Variants in OCA2 observed in about 807,000 individuals in gnomAD.
OCA2 encodes the protein OCA2 melanosomal transmembrane protein, also known as P protein.
In OCA2, 77 loss-of-function variants were observed where a neutral mutation model predicts 100.2. The observed-to-expected ratio is 0.77, with a 90% CI of 0.64 to 0.93. The LOEUF (loss-of-function observed/expected upper bound fraction) is 0.93, where lower values mean the gene tolerates loss of function less well. OCA2 is among the 40% of genes least tolerant of loss of function. The pLI is 0.00. For missense variants in OCA2, 1,062 were observed against 1,089.1 expected (o/e 0.98, Z 0.35); for synonymous variants, 432 against 439.2 (o/e 0.98, Z 0.21).
intron 19 of OCA2, among the ~76,000 whole-genome samples, chr15:27,903,599 T>A (rs1434733014): frequency 6.6e-6 from 1 of 152,154 alleles, no homozygotes; most frequent in Non-Finnish European, 1.5e-5. Flanking sequence ...AGCTTGGAAC[T>A]CCCCTCGCCC....
At chr15:27,840,054 C>A (rs4778194) in intron 23 of OCA2, among the ~76,000 whole-genome samples, 46,499 of 151,966 alleles carry the variant, frequency 0.31, 7,988 homozygotes, top group East Asian at 0.6. Context: ...ATATATTAAA[C>A]TCCATGGAAT....
chr15:27,852,420 T>C (rs2035788757), intron 21 of OCA2, among the ~76,000 whole-genome samples: 1 of 152,200 alleles, frequency 6.6e-6, no homozygotes, highest in Non-Finnish European at 1.5e-5. Flanking sequence ...TTGATCTATA[T>C]CTCTGTTTTG....
At chr15:27,725,715 C>T in the OCA2 span, among the ~76,000 whole-genome samples, 1 of 152,196 alleles carries the variant, frequency 6.6e-6, no homozygotes, top group Non-Finnish European at 1.5e-5. Context: ...GCTCTCCCTC[C>T]AGGGTGTCTG....
At chr15:27,749,555 C>G in the OCA2 span, among the ~76,000 whole-genome samples, 1 of 152,006 alleles carries the variant, frequency 6.6e-6, no homozygotes, top group Non-Finnish European at 1.5e-5. Context: ...GAAAATGTCC[C>G]TATTAGTAGA....
intron 21 of OCA2, among the ~76,000 whole-genome samples, chr15:27,861,414 T>C (rs1403641909): frequency 6.6e-6 from 1 of 152,128 alleles, no homozygotes; most frequent in Non-Finnish European, 1.5e-5. Flanking sequence ...GAGAGGTTGC[T>C]GTGGATGGCA....
intron 23 of OCA2, among the ~76,000 whole-genome samples, chr15:27,761,420 C>A (rs2030827888): frequency 6.6e-6 from 1 of 150,750 alleles, no homozygotes; most frequent in Admixed American, 6.6e-5. Context: ...TAACTTACAG[C>A]ACACCAGCAT....
intron 23 of OCA2, among the ~76,000 whole-genome samples, chr15:27,809,484 A>AC (rs1342146202): frequency 6.6e-6 from 1 of 152,198 alleles, no homozygotes; most frequent in Admixed American, 6.5e-5. Flanking sequence ...CTCTCTCTCA[A>AC]CACTCCTATT....
chr15:27,931,606 G>A lies in OCA2; in HGVS notation c.1952-5352C>T, dbSNP rs1030802361. ...CAGCCTCAGCCTCCCAAAGTGCTAG[G>A]ATTACAGGCGTGAGCCACCACGCCC... On this transcript the variant is annotated intron_variant, in intron 18 of 23. Coordinates refer to ENST00000354638, the MANE Select transcript of OCA2 (RefSeq NM_000275.3). Among the ~76,000 whole-genome samples, 32 of 152,090 alleles carry A rather than the reference G, an allele frequency of 2.1e-4. 1 individual carries two copies. Among genetic ancestry groups the A allele is most frequent in the Non-Finnish European group, 3.7e-4 (25 of 67,996 alleles).
chr15:27,969,045 T>C (rs1420659663), intron 14 of OCA2, among the ~76,000 whole-genome samples: 3 of 150,892 alleles, frequency 2.0e-5, no homozygotes, highest in African/African-American at 4.9e-5. Flanking sequence ...ATAGTACTAA[T>C]ATATTTATAC....
At chr15:27,724,877 A>G in the OCA2 span, among the ~76,000 whole-genome samples, 1 of 152,040 alleles carries the variant, frequency 6.6e-6, no homozygotes, top group Admixed American at 6.6e-5. Flanking sequence ...TCAATCAGGA[A>G]CTCAGTGTTA....
rs1445091247 is a variant in OCA2 at position 28,081,884 on chromosome 15, C to A, written c.-10G>T. ...TGCCCTCCAGATGCATGCTCCACTGCCAGTCTTCTCTCTAGGGCAGCCAGA... is the reference window on the plus strand; with the variant it reads ...TGCCCTCCAGATGCATGCTCCACTGACAGTCTTCTCTCTAGGGCAGCCAGA... On this transcript the variant is annotated 5_prime_UTR_variant, in exon 2 of 24. Coordinates refer to ENST00000354638, the MANE Select transcript of OCA2 (RefSeq NM_000275.3). The A allele has an allele frequency of 6.2e-7, 1 of 1,607,566 alleles. No individual in the cohort carries two copies. The highest frequency in any genetic ancestry group is 1.1e-5 in the South Asian group (1 of 90,540).
chr15:27,978,474 G>C (rs889008507), intron 14 of OCA2, among the ~76,000 whole-genome samples: 5 of 152,162 alleles, frequency 3.3e-5, no homozygotes, highest in Admixed American at 3.3e-4. Flanking sequence ...TCTGTCATTG[G>C]TTGTATAAAT....
intron 19 of OCA2, among the ~76,000 whole-genome samples, chr15:27,878,611 C>T (rs762280248): frequency 6.6e-6 from 1 of 152,130 alleles, no homozygotes; most frequent in Non-Finnish European, 1.5e-5. Flanking sequence ...TAATGTATCA[C>T]TCTTCTCTCA....
intron 14 of OCA2, among the ~76,000 whole-genome samples, chr15:27,975,891 A>G (rs1483127903): frequency 6.6e-6 from 1 of 152,162 alleles, no homozygotes; most frequent in African/African-American, 2.4e-5. Context: ...TAGCTTAACA[A>G]TATTGAGTTT....
chr15:27,985,192 G>A lies in OCA2; in HGVS notation c.1240-4C>T, dbSNP rs1555449077. ...GTCCCCGGGAGAGCCGGTATGCCTG[G>A]CCACACACACACAGAGAGAGTACAA... On this transcript the variant is annotated splice_polypyrimidine_tract_variant and splice_region_variant and intron_variant, in intron 12 of 23. Coordinates refer to ENST00000354638, the MANE Select transcript of OCA2 (RefSeq NM_000275.3). 3 of 1,613,648 alleles carry A rather than the reference G, an allele frequency of 1.9e-6. No individual in the cohort carries two copies. Among genetic ancestry groups the A allele is most frequent in the Non-Finnish European group, 2.5e-6 (3 of 1,179,966 alleles).
chr15:27,958,002 G>A (rs2040287562), intron 15 of OCA2, among the ~76,000 whole-genome samples: 1 of 152,174 alleles, frequency 6.6e-6, no homozygotes, highest in Non-Finnish European at 1.5e-5. Flanking sequence ...ATTGAACAAT[G>A]AGAACACTTG....
chr15:27,875,778 A>G (rs893129761), intron 19 of OCA2, among the ~76,000 whole-genome samples: 13 of 151,960 alleles, frequency 8.6e-5, no homozygotes, highest in African/African-American at 2.9e-4. Flanking sequence ...GGGTTTTGGT[A>G]TCATTATAAA....
At chr15:27,904,415 A>T (rs1282108916) in intron 19 of OCA2, among the ~76,000 whole-genome samples, 1 of 152,152 alleles carries the variant, frequency 6.6e-6, no homozygotes, top group African/African-American at 2.4e-5. Context: ...TGCACACTAC[A>T]GTGCGGGGTG....
intron 23 of OCA2, among the ~76,000 whole-genome samples, chr15:27,844,515 AT>A (rs941293054): frequency 7.3e-5 from 11 of 150,598 alleles, no homozygotes; most frequent in African/African-American, 1.5e-4. Flanking sequence ...AATCCCAGCA[AT>A]TTTTTTTTTC....
Sources: allele counts gnomAD v4.1 joint callset (sites outside exome capture counted in the v4.1 genomes callset), GRCh38; gene constraint gnomAD v4.1.1; transcripts MANE v1.5; gene names NCBI Gene and HGNC (gene_info 2026-07-23, HGNC 2026-07-21).